Variants in AP2A2 observed in about 807,000 individuals in gnomAD.
AP2A2 encodes adaptor related protein complex 2 subunit alpha 2, also known as AP-2 complex subunit alpha-2.
Under a neutral mutation model 104.2 loss-of-function variants are expected in AP2A2, and 32 were observed. The ratio of observed to expected loss-of-function variants is 0.31; its 90% CI spans 0.23 to 0.41. The LOEUF (loss-of-function observed/expected upper bound fraction) is 0.41, where lower values mean the gene tolerates loss of function less well. Ranked by LOEUF, AP2A2 falls within the 10% of genes least tolerant of loss-of-function variation. The pLI, the probability that AP2A2 is intolerant of heterozygous loss-of-function variation, is 1.00. For missense variants in AP2A2, 912 were observed against 1,261.0 expected (o/e 0.72, Z 4.19); for synonymous variants, 539 against 533.3 (o/e 1.01, Z -0.15).
chr11:973,907 T>C (rs1589981531), intron 4 of AP2A2, among the ~76,000 whole-genome samples: 1 of 152,298 alleles, frequency 6.6e-6, no homozygotes, highest in Non-Finnish European at 1.5e-5. Flanking sequence ...CAGTACCAGG[T>C]CCCTAGTAGG....
chr11:981,161 C>A (rs370199871), intron 5 of AP2A2, 37 bp from the exon 6 acceptor site: 20 of 1,552,122 alleles, frequency 1.3e-5, no homozygotes, highest in Non-Finnish European at 1.8e-5. Flanking sequence ...TGGTTAGCTT[C>A]AAGTGTTCTG....
intron 3 of AP2A2, 78 bp downstream of exon 3, chr11:970,389 CGCT>C: frequency 1.3e-6 from 2 of 1,546,570 alleles, no homozygotes; most frequent in Non-Finnish European, 1.8e-6. Flanking sequence ...CGTGTAGGGC[CGCT>C]GCTTCCTTCT....
chr11:1,007,566 C>A, intron 17 of AP2A2: 1 of 209,480 alleles, frequency 4.8e-6, no homozygotes, highest in Non-Finnish European at 9.8e-6. Flanking sequence ...AGGCTGTAGG[C>A]AAACCCTTGT....
rs1855710577 is a variant in AP2A2 at position 992,956 on chromosome 11, CGT to C, written c.1452+273_1452+274del. Among the ~76,000 whole-genome samples, 1 of 152,138 alleles carries C rather than the reference CGT, an allele frequency of 6.6e-6. No individual in the cohort carries two copies. Among genetic ancestry groups the C allele is most frequent in the Non-Finnish European group, 1.5e-5 (1 of 68,018 alleles). On this transcript the variant is annotated intron_variant, in intron 11 of 21. Transcript: ENST00000448903. This position sits in a 1 kb window ranked among gnomAD's most constrained non-coding sequence, Gnocchi z 6.4. ...TGTGTGAGAGCATGCTGGGGCATGC[CGT>C]GGTGGGGCCTGCCCTGTCCGTCGGA... is the stretch of plus-strand genomic sequence containing the variant.
chr11:937,169 G>A (rs573362994), intron 1 of AP2A2, among the ~76,000 whole-genome samples: 1 of 152,120 alleles, frequency 6.6e-6, no homozygotes, highest in Admixed American at 6.5e-5. Context: ...ACAGGCGCCC[G>A]CCACTATGCC....
chr11:993,163 T>A lies in AP2A2; in HGVS notation c.1453-121T>A. On this transcript the variant is annotated intron_variant, in intron 11 of 21. Transcript: ENST00000448903. This position sits in a 1 kb window ranked among gnomAD's most constrained non-coding sequence, Gnocchi z 8.2. ...GGAAGGCAGGGATGGGCACTTGGAC[T>A]GGGGTCTCCAGGAAGCTGAGGGGCT... 1.4e-6 allele frequency: 1 copy of A among 712,932 alleles called. No individual in the cohort carries two copies. The allele number at this position is 712,932 out of a possible 1,614,324, so 44.2% of individuals were successfully genotyped here. A position where few individuals can be genotyped will look rare whatever the true frequency, so the allele number is the denominator to read the frequency against.
chr11:987,746 G>T (rs754217016), intron 9 of AP2A2, among the ~76,000 whole-genome samples: 3 of 152,218 alleles, frequency 2.0e-5, no homozygotes, highest in South Asian at 2.1e-4. Flanking sequence ...CCGAGGGTTC[G>T]TTCCACATAG....
chr11:983,587 G>T (rs928449488), intron 6 of AP2A2, among the ~76,000 whole-genome samples: 8 of 151,824 alleles, frequency 5.3e-5, no homozygotes, highest in Non-Finnish European at 1.0e-4. Context: ...GTTTCACTGT[G>T]TTAGCCAGGA....
intron 6 of AP2A2, among the ~76,000 whole-genome samples, chr11:983,837 C>T (rs944151854): frequency 3.3e-5 from 5 of 152,198 alleles, no homozygotes; most frequent in Non-Finnish European, 7.3e-5. Flanking sequence ...GTCTGTGTGT[C>T]ACGGAAGTGC....
intron 7 of AP2A2, 109 bp from the exon 8 acceptor site, chr11:985,326 A>T: frequency 7.3e-7 from 1 of 1,378,522 alleles, no homozygotes; most frequent in Non-Finnish European, 9.8e-7. Flanking sequence ...CACAAATGTG[A>T]ATGAACTATA....
intron 1 of AP2A2, chr11:932,588 T>G (rs1853325544): frequency 2.5e-6 from 1 of 396,208 alleles, no homozygotes; most frequent in African/African-American, 2.1e-5. Context: ...TCTCCTTGCA[T>G]GTCTTCTTTT....
At chr11:963,600 C>A (rs1003025111) in intron 2 of AP2A2, among the ~76,000 whole-genome samples, 1 of 152,088 alleles carries the variant, frequency 6.6e-6, no homozygotes, top group African/African-American at 2.4e-5. Context: ...TTAGAGCAAC[C>A]CTTCTGTTGA....
At chr11:995,782 G>A (rs143115330) in intron 14 of AP2A2, among the ~76,000 whole-genome samples, 1 of 1,078 alleles carries the variant, frequency 9.3e-4, no homozygotes, top group Non-Finnish European at 1.6e-3. Flanking sequence ...CCTCTGTGCA[G>A]CCCCTGTCCC....
At chr11:966,526 C>T (rs1854623044) in intron 2 of AP2A2, among the ~76,000 whole-genome samples, 1 of 152,188 alleles carries the variant, frequency 6.6e-6, no homozygotes, top group Non-Finnish European at 1.5e-5. Context: ...TTTTCTTTCA[C>T]TTGGGCAGCC....
chr11:947,985 A>G (rs1031639401), intron 1 of AP2A2, among the ~76,000 whole-genome samples: 9 of 152,190 alleles, frequency 5.9e-5, no homozygotes, highest in African/African-American at 1.7e-4. Context: ...AATGCAAATA[A>G]AAACACAGCA....
At chr11:996,875 T>C (rs543276481) in intron 14 of AP2A2, among the ~76,000 whole-genome samples, 2 of 151,898 alleles carry the variant, frequency 1.3e-5, no homozygotes, top group Non-Finnish European at 2.9e-5. Flanking sequence ...CCGTCCTGAC[T>C]GAGAGCTGTG....
chr11:981,230 C>T lies in AP2A2; in HGVS notation c.636C>T (p.Thr212=). The T allele has an allele frequency of 6.2e-7, 1 of 1,613,546 alleles. No homozygotes were observed. Among genetic ancestry groups the T allele is most frequent in the Non-Finnish European group, 8.5e-7 (1 of 1,179,732 alleles). Residue 212 remains threonine (T), a synonymous_variant, in exon 6 of 22, where the codon ACC becomes ACT. Transcript: ENST00000448903. ...TAACTGCAGCCACAAGTCTGATCAC[C>T]ACTTTAGCACAGAAGAACCCAGAAG... The part of the protein sequence containing the change: ...GVVTAATSLI[T]TLAQKNPEEF...
rs754216973 is a variant in AP2A2, at chr11:992,469, C to G, written c.1270-34C>G. The G allele has an allele frequency of 6.4e-7, 1 of 1,557,164 alleles. No individual in the cohort carries two copies. Among genetic ancestry groups the G allele is most frequent in the Non-Finnish European group, 8.7e-7 (1 of 1,150,114 alleles). On this transcript the variant is annotated intron_variant, in intron 10 of 21. Coordinates refer to ENST00000448903, the MANE Select transcript of AP2A2 (RefSeq NM_012305.4). This position sits in a 1 kb window ranked among gnomAD's most constrained non-coding sequence, Gnocchi z 6.4. ...TTGGTCTTGGGATTGCCATGGCCTG[C>G]AGGTGCCGGCCCTCAGCAGCCTGTC...
At position 992,322 on chromosome 11, in the gene AP2A2, T is replaced by A. The variant is rs1855687068; in HGVS notation, c.1270-181T>A. 1 of 667,086 alleles carries A rather than the reference T, an allele frequency of 1.5e-6. No individual in the cohort carries two copies. The highest frequency in any genetic ancestry group is 1.8e-5 in the African/African-American group (1 of 55,686). The allele number at this position is 667,086 out of a possible 1,614,324, so 41.3% of individuals were successfully genotyped here. ...GGCTTTCTTTGCTTAAGTCAGGGCA[T>A]CTTAAACTTTCTGGGCTCGTGGGCT... is the stretch of plus-strand genomic sequence containing the variant. On this transcript the variant is annotated intron_variant, in intron 10 of 21. Coordinates refer to ENST00000448903, the MANE Select transcript of AP2A2 (RefSeq NM_012305.4). This position sits in a 1 kb window ranked among gnomAD's most constrained non-coding sequence, Gnocchi z 6.4.
Sources: allele counts gnomAD v4.1 joint callset (sites outside exome capture counted in the v4.1 genomes callset), GRCh38; gene constraint gnomAD v4.1.1; non-coding constraint Gnocchi (gnomAD v3.1); transcripts MANE v1.5; gene names NCBI Gene and HGNC (gene_info 2026-07-23, HGNC 2026-07-21).